TBL1X: variants seen among roughly 807,000 people sequenced by gnomAD.
TBL1X encodes F-box-like/WD repeat-containing protein TBL1X.
In TBL1X, 10 loss-of-function variants were observed where a neutral mutation model predicts 50.7. The observed-to-expected ratio is 0.20, with a 90% CI of 0.12 to 0.33. The LOEUF (loss-of-function observed/expected upper bound fraction) is 0.33, where lower values mean the gene tolerates loss of function less well. Among genes scored for constraint, TBL1X ranks in the 10% least tolerant of loss-of-function variants. TBL1X has a pLI of 1.00. For missense variants in TBL1X, 340 were observed against 504.4 expected (o/e 0.67, Z 3.12); for synonymous variants, 190 against 214.7 (o/e 0.88, Z 1.01).
intron 2 of TBL1X, among the ~76,000 whole-genome samples, chrX:9,532,336 A>G (rs1041646815): frequency 4.5e-5 from 5 of 111,817 alleles, no homozygotes; most frequent in Non-Finnish European, 9.4e-5. Flanking sequence ...TTACAATTCT[A>G]TATCTTAACA....
intron 2 of TBL1X, among the ~76,000 whole-genome samples, chrX:9,562,319 A>T (rs1391791263): frequency 1.8e-5 from 2 of 112,415 alleles, no homozygotes; most frequent in Non-Finnish European, 3.8e-5. Context: ...GTTTCATGCC[A>T]CTAAATAAAA....
At chrX:9,629,128 T>C (rs917090458) in intron 2 of TBL1X, among the ~76,000 whole-genome samples, 3 of 112,695 alleles carry the variant, frequency 2.7e-5, no homozygotes, top group African/African-American at 9.7e-5. Context: ...GGTTATCTGT[T>C]CTACTTTAGT....
intron 2 of TBL1X, among the ~76,000 whole-genome samples, chrX:9,544,719 C>T (rs1331583392): frequency 4.5e-5 from 5 of 110,333 alleles, no homozygotes; most frequent in Admixed American, 9.6e-5. Flanking sequence ...TGCACCACCA[C>T]GCCCAGCTAA....
chrX:9,700,101 T>C (rs2083160017), intron 12 of TBL1X, among the ~76,000 whole-genome samples: 1 of 112,262 alleles, frequency 8.9e-6, no homozygotes, highest in African/African-American at 3.2e-5. Flanking sequence ...TGCTACTCTG[T>C]GCTCTAGACT....
At chrX:9,526,143 G>A (rs937992868) in intron 2 of TBL1X, among the ~76,000 whole-genome samples, 4 of 104,794 alleles carry the variant, frequency 3.8e-5, no homozygotes, top group Non-Finnish European at 7.8e-5. Flanking sequence ...GAGGAGAGAC[G>A]GGCGGGGGAG....
At chrX:9,703,969 G>T (rs2083191232) in intron 12 of TBL1X, among the ~76,000 whole-genome samples, 1 of 112,419 alleles carries the variant, frequency 8.9e-6, no homozygotes, top group Non-Finnish European at 1.9e-5. Context: ...TTTAGCGAGT[G>T]CCTTGGCCAT....
chrX:9,546,252 G>A (rs2082241563), intron 2 of TBL1X, among the ~76,000 whole-genome samples: 1 of 112,183 alleles, frequency 8.9e-6, no homozygotes, highest in African/African-American at 3.2e-5. Context: ...GGTGACTCAC[G>A]CCTGTAATAC....
intron 1 of TBL1X, 25 bp from the exon 2 acceptor site, chrX:9,501,752 ACTG>A (rs1263334491): frequency 9.0e-6 from 1 of 111,665 alleles, no homozygotes; most frequent in Non-Finnish European, 1.9e-5. Flanking sequence ...GGTATGTGAC[ACTG>A]CTGCTATTTT....
chrX:9,487,663 A>C (rs769414245), intron 1 of TBL1X, among the ~76,000 whole-genome samples: 1 of 111,936 alleles, frequency 8.9e-6, no homozygotes, highest in East Asian at 2.8e-4. Flanking sequence ...ATGAACGGTA[A>C]TTTTCTCTTT....
chrX:9,531,356 T>TGG lies in TBL1X; in HGVS notation c.-131+29508_-131+29509insGG, dbSNP rs1406813247. On this transcript the variant is annotated intron_variant, in intron 2 of 17. Transcript: ENST00000645353. ...TTTTTTGAACTAAGAACCTGGAGGGTGTGTGTGTGTGTGTGTGTGTGTGTG... is the reference window on the plus strand; with the variant it reads ...TTTTTTGAACTAAGAACCTGGAGGGTGGGTGTGTGTGTGTGTGTGTGTGTGTG... Among the ~76,000 whole-genome samples the TGG allele has an allele frequency of 3.3e-4, 20 of 61,014 alleles. No homozygotes were observed. The East Asian group carries it at 4.6e-3, about 14-fold the overall frequency. The allele number at this position is 61,014 out of a possible 115,157, so 53.0% of individuals were successfully genotyped here.
rs1390653046 is a variant in TBL1X at position 9,677,648 on chromosome X, G to A, written c.212-6395G>A. Among the ~76,000 whole-genome samples, 3 of 111,259 alleles carry A rather than the reference G, an allele frequency of 2.7e-5. No homozygotes were observed. In the East Asian group the frequency reaches 8.5e-4, roughly 31 times the overall value. On this transcript the variant is annotated intron_variant, in intron 5 of 17. Coordinates refer to ENST00000645353, the MANE Select transcript of TBL1X (RefSeq NM_005647.4). ...TCTCTTTCTCAGCTTCTCGGTCCCT[G>A]TGTGTGATAAGGTTTCTTGTTGCCC...
intron 2 of TBL1X, among the ~76,000 whole-genome samples, chrX:9,568,044 G>T (rs781482275): frequency 8.9e-6 from 1 of 111,947 alleles, no homozygotes; most frequent in East Asian, 2.8e-4. Flanking sequence ...GATTGGCCTG[G>T]GTGCTGTTGC....
intron 5 of TBL1X, 116 bp downstream of exon 5, chrX:9,654,438 G>C: frequency 2.5e-6 from 2 of 811,466 alleles, no homozygotes; most frequent in Non-Finnish European, 3.6e-6. Context: ...AGCTAAGAAG[G>C]TTCTTAGTGC....
intron 12 of TBL1X, among the ~76,000 whole-genome samples, chrX:9,699,163 T>G: frequency 9.0e-6 from 1 of 111,445 alleles, no homozygotes; most frequent in East Asian, 2.8e-4. Context: ...GTATTTTTAG[T>G]AGAAACGGGG....
rs1342399245 is a variant in TBL1X at position 9,690,520 on chromosome X, T to C, written c.617-1059T>C. On this transcript the variant is annotated intron_variant, in intron 7 of 17. Coordinates refer to ENST00000645353, the MANE Select transcript of TBL1X (RefSeq NM_005647.4). Reference sequence around the variant, plus strand: ...TAGGGCCCACCCTTGTGACCTCCTTTTACCCTGCTCACCTTTTCAAAAGCC... The same window carrying C: ...TAGGGCCCACCCTTGTGACCTCCTTCTACCCTGCTCACCTTTTCAAAAGCC... Among the ~76,000 whole-genome samples, 3 of 111,761 alleles carry C rather than the reference T, an allele frequency of 2.7e-5. No individual in the cohort carries two copies. The Admixed American group carries it at 2.9e-4, about 11-fold the overall frequency.
intron 1 of TBL1X, among the ~76,000 whole-genome samples, chrX:9,476,795 TATTAAA>T (rs1183206962): frequency 8.9e-6 from 1 of 112,427 alleles, no homozygotes; most frequent in African/African-American, 3.2e-5. Flanking sequence ...AAGACAGGAT[TATTAAA>T]ATTAACCATT....
chrX:9,467,777 C>CA (rs1308936295), intron 1 of TBL1X, among the ~76,000 whole-genome samples: 1 of 111,963 alleles, frequency 8.9e-6, no homozygotes, highest in African/African-American at 3.2e-5. Context: ...GCCAGACTGG[C>CA]AAACATGAAA....
chrX:9,506,472 A>G (rs2082026355), intron 2 of TBL1X, among the ~76,000 whole-genome samples: 1 of 111,755 alleles, frequency 8.9e-6, no homozygotes, highest in African/African-American at 3.3e-5. Flanking sequence ...AAGGCGATAG[A>G]GACGCAAAAA....
intron 2 of TBL1X, among the ~76,000 whole-genome samples, chrX:9,546,920 A>G (rs35314498): frequency 1.4e-4 from 13 of 92,372 alleles, no homozygotes; most frequent in Admixed American, 4.1e-4. Context: ...CTGGGTTCAC[A>G]CCATTCTCCT....
Sources: allele counts gnomAD v4.1 joint callset (sites outside exome capture counted in the v4.1 genomes callset), GRCh38; gene constraint gnomAD v4.1.1; transcripts MANE v1.5; gene names NCBI Gene and HGNC (gene_info 2026-07-23, HGNC 2026-07-21).